Variants in FRMD1 observed in about 807,000 individuals in gnomAD.
FRMD1 encodes the protein FERM domain containing 1, also known as FERM domain-containing protein 1.
FRMD1 carries 51 observed loss-of-function variants against 54.9 expected under a neutral mutation model. The ratio of observed to expected loss-of-function variants is 0.93; its 90% CI spans 0.74 to 1.17. The LOEUF (loss-of-function observed/expected upper bound fraction) is 1.17, where lower values mean the gene tolerates loss of function less well. Ranked by LOEUF, FRMD1 falls within the 50% of genes most tolerant of loss-of-function variation. The probability of loss-of-function intolerance (pLI) is 0.00; values close to 1 mark genes in which losing one functional copy is unlikely to be tolerated. For synonymous variants in FRMD1, 324 were observed against 306.4 expected (o/e 1.06, Z -0.60); for missense variants, 729 against 743.0 (o/e 0.98, Z 0.22).
At chr6:168,079,885 G>A (rs752837377), upstream of FRMD1, among the ~76,000 whole-genome samples, 14 of 152,330 alleles carry the variant, frequency 9.2e-5, no homozygotes, top group East Asian at 1.9e-4. Context: ...GATGAGCAAC[G>A]CCTTCGAGCT....
chr6:168,089,379 C>T (rs1005768538), intron 1 of FRMD1, among the ~76,000 whole-genome samples: 1 of 152,192 alleles, frequency 6.6e-6, no homozygotes, highest in African/African-American at 2.4e-5. Context: ...AGGCCCGTGG[C>T]CCTGGAGGGA....
At chr6:168,061,182 GGAGACCAGGCCTGCGGGTAAACGCT>G (rs1195832348) in intron 8 of FRMD1, 125 bp from the exon 9 acceptor site, 3 of 955,688 alleles carry the variant, frequency 3.1e-6, no homozygotes, top group Non-Finnish European at 4.6e-6. Flanking sequence ...GAACAGGCAG[GGAGACCAGGCCTGCGGGTAAACGCT>G]GAGGCCAGGC....
At chr6:168,083,940 G>A (rs1033841653), upstream of FRMD1, among the ~76,000 whole-genome samples, 2 of 152,156 alleles carry the variant, frequency 1.3e-5, no homozygotes, top group Non-Finnish European at 2.9e-5. Flanking sequence ...CTTATTTAAG[G>A]CTTCCTAAAT....
chr6:168,059,190 T>C lies in FRMD1; in HGVS notation c.1343-2A>G. The C allele has an allele frequency of 6.3e-7, 1 of 1,583,218 alleles. No individual in the cohort carries two copies. Among genetic ancestry groups the C allele is most frequent in the Non-Finnish European group, 8.6e-7 (1 of 1,168,154 alleles). ...GGGTGCAGGGCTCCTGACGAGTGGC[T>C]GTGGGAGGAGGCAGCCGTGAGCACA... is the stretch of plus-strand genomic sequence containing the variant. On this transcript the variant is annotated splice_acceptor_variant, in intron 9 of 10. Coordinates refer to ENST00000283309, the MANE Select transcript of FRMD1 (RefSeq NM_024919.6). LOFTEE classifies it high-confidence loss of function. This position sits in a 1 kb window ranked among gnomAD's most constrained non-coding sequence, Gnocchi z 4.4.
rs576513625 is a variant in FRMD1, at chr6:168,067,635, T to A, written c.305-189A>T. 3.9e-5 allele frequency: 21 copies of A among 533,532 alleles called. No individual in the cohort carries two copies. In the South Asian group the frequency reaches 5.9e-4, roughly 15 times the overall value. 33.0% of individuals were successfully genotyped at this position (533,532 alleles called of 1,614,324 possible). The stretch of plus-strand genomic sequence containing the variant: ...AAGCATCTTAACACACATGCAGGTG[T>A]CAAATGCTTGCTTACTAAAACAATG... On this transcript the variant is annotated intron_variant, in intron 2 of 10. Coordinates refer to ENST00000283309, the MANE Select transcript of FRMD1 (RefSeq NM_024919.6).
At chr6:168,078,526 CTG>C in intron 1 of FRMD1, among the ~76,000 whole-genome samples, 1 of 151,306 alleles carries the variant, frequency 6.6e-6, no homozygotes. Context: ...CCCCATACCC[CTG>C]CTCACCCCCA....
rs374502267 is a variant in FRMD1, at chr6:168,059,139, G to A, written c.1392C>T (p.Ala464=). 18 of 1,579,510 alleles carry A rather than the reference G, an allele frequency of 1.1e-5. No individual in the cohort carries two copies. The highest frequency in any genetic ancestry group is 2.7e-5 in the African/African-American group (2 of 74,614). The part of the protein sequence containing the change: ...CTQVRTRGQS[A]EAVHQIQEMT... The stretch of plus-strand genomic sequence containing the variant: ...GGGACTCTACCTGGTGCACGGCCTC[G>A]GCGCTCTGGCCTCTGGTCCTGACCT... Residue 464 remains alanine (A), a synonymous_variant, in exon 10 of 11, where the codon GCC becomes GCT. Coordinates refer to ENST00000283309, the MANE Select transcript of FRMD1 (RefSeq NM_024919.6). The surrounding 1 kb of genome is among the most constrained non-coding windows in gnomAD (Gnocchi z 4.4).
chr6:168,076,911 G>T (rs879712435), intron 1 of FRMD1, among the ~76,000 whole-genome samples: 2 of 152,086 alleles, frequency 1.3e-5, no homozygotes, highest in Non-Finnish European at 2.9e-5. Context: ...CCAATAGAGC[G>T]TTCCCTGTCT....
chr6:168,074,897 ATG>A (rs960179370), intron 2 of FRMD1, among the ~76,000 whole-genome samples: 2 of 141,660 alleles, frequency 1.4e-5, no homozygotes, highest in African/African-American at 5.4e-5. Context: ...AACTGTGTGC[ATG>A]TGTGTGCTGC....
upstream of FRMD1, among the ~76,000 whole-genome samples, chr6:168,084,983 C>T (rs185180769): frequency 2.0e-5 from 3 of 152,316 alleles, no homozygotes; most frequent in Admixed American, 1.3e-4. Context: ...CTGCAGGCCC[C>T]GTGGACGTGG....
At chr6:168,081,297 A>G (rs1370064316), upstream of FRMD1, 7 of 1,451,396 alleles carry the variant, frequency 4.8e-6, no homozygotes, top group Non-Finnish European at 6.4e-6. Flanking sequence ...ACAACTTTGC[A>G]CCCTGAGAAG....
In FRMD1 at chr6:168,057,168, T is replaced by C; in HGVS notation, c.1579A>G (p.Ser527Gly). ...GCGAGACAGTTGCTGGACCTCTTGC[T>C]GGGGAGAGTGGCCCTGGTCTCGCAG... Reference protein sequence around the residue: ...GPCETRATLPSKRSSNCLALD... With the variant: ...GPCETRATLPGKRSSNCLALD... Residue 527 changes from serine (S) to glycine (G), a missense_variant, in exon 11 of 11, where the codon AGC becomes GGC. Transcript: ENST00000283309. The C allele has an allele frequency of 6.3e-7, 1 of 1,583,948 alleles. No individual in the cohort carries two copies. Among genetic ancestry groups the C allele is most frequent in the Non-Finnish European group, 8.6e-7 (1 of 1,164,602 alleles).
intron 4 of FRMD1, chr6:168,065,967 T>TCTAA: frequency 1.0e-6 from 1 of 1,000,198 alleles, no homozygotes; most frequent in Non-Finnish European, 1.2e-6. Context: ...CCCTAGAAGC[T>TCTAA]CTAAGGCAGC....
intron 7 of FRMD1, among the ~76,000 whole-genome samples, chr6:168,062,473 G>C (rs3734901): frequency 1.3e-5 from 2 of 152,220 alleles, no homozygotes; most frequent in African/African-American, 4.8e-5. Flanking sequence ...AGACCTCACC[G>C]GGCAGCTAAA....
In FRMD1 at chr6:168,063,634, C is replaced by T. The variant is rs79001874; in HGVS notation, c.771G>A (p.Glu257=). 4.8e-4 allele frequency: 770 copies of T among 1,613,362 alleles called. 7 individuals carry two copies. In the African/African-American group the frequency reaches 9.2e-3, roughly 19 times the overall value. ...GCCTGAAGAAGTGCACGGGCACGTC[C>T]TCCAGCCGGCAGGCCTCCTGGATGA... ...LCFIQEACRL[E]DVPVHFFRLH... The change falls in exon 6 of 11, where the codon GAG becomes GAA. Residue 257 remains glutamate (E), a synonymous_variant. Coordinates refer to ENST00000283309, the MANE Select transcript of FRMD1 (RefSeq NM_024919.6).
At chr6:168,092,820 G>C (rs1801036308) in intron 1 of FRMD1, among the ~76,000 whole-genome samples, 1 of 152,210 alleles carries the variant, frequency 6.6e-6, no homozygotes, top group Non-Finnish European at 1.5e-5. Context: ...CAGCCACCCC[G>C]TGAGCAGGCC....
chr6:168,077,257 G>T (rs1017971776), intron 1 of FRMD1, among the ~76,000 whole-genome samples: 1 of 149,144 alleles, frequency 6.7e-6, no homozygotes, highest in Admixed American at 6.7e-5. Context: ...TCCAACTGCA[G>T]ACACAGATGT....
chr6:168,067,744 C>T (rs981225957), intron 2 of FRMD1, among the ~76,000 whole-genome samples: 1 of 152,232 alleles, frequency 6.6e-6, no homozygotes, highest in African/African-American at 2.4e-5. Flanking sequence ...AACTTAGCAA[C>T]ATGTATCCCT....
chr6:168,075,036 G>T (rs905533654), intron 2 of FRMD1, among the ~76,000 whole-genome samples: 1 of 151,644 alleles, frequency 6.6e-6, no homozygotes, highest in East Asian at 2.0e-4. Context: ...TACATGGTGC[G>T]AATGGTGTGT....
Sources: allele counts gnomAD v4.1 joint callset (sites outside exome capture counted in the v4.1 genomes callset), GRCh38; gene constraint gnomAD v4.1.1; non-coding constraint Gnocchi (gnomAD v3.1); transcripts MANE v1.5; gene names NCBI Gene and HGNC (gene_info 2026-07-23, HGNC 2026-07-21).